Variants in BICC1 observed in about 807,000 individuals in gnomAD.
BICC1 encodes the protein protein bicaudal C homolog 1.
A neutral mutation model predicts 111.0 loss-of-function variants in BICC1; 43 were observed. The observed-to-expected ratio is 0.39, with a 90% CI of 0.30 to 0.50. BICC1 has a LOEUF of 0.50. BICC1 is among the 20% of genes least tolerant of loss of function. The pLI, the probability that BICC1 is intolerant of heterozygous loss-of-function variation, is 0.88. For synonymous variants in BICC1, 467 were observed against 434.4 expected (o/e 1.07, Z -0.93); for missense variants, 1,091 against 1,203.2 (o/e 0.91, Z 1.38).
intron 1 of BICC1, among the ~76,000 whole-genome samples, chr10:58,533,606 A>G (rs938579145): frequency 4.0e-5 from 6 of 151,888 alleles, no homozygotes; most frequent in African/African-American, 1.2e-4. Flanking sequence ...TTAAAAGTGA[A>G]GAATAAATAA....
intron 2 of BICC1, among the ~76,000 whole-genome samples, chr10:58,653,754 A>G (rs1483137708): frequency 6.6e-6 from 1 of 150,916 alleles, no homozygotes; most frequent in African/African-American, 2.4e-5. Flanking sequence ...ATATGTATAC[A>G]TGTGCCATGC....
chr10:58,713,144 T>C (rs1840631477), intron 3 of BICC1, among the ~76,000 whole-genome samples: 1 of 152,182 alleles, frequency 6.6e-6, no homozygotes, highest in Admixed American at 6.5e-5. Context: ...ATGCCTAAAT[T>C]AAACAGTAAA....
rs1589139457 is a variant in BICC1 at position 58,789,413 on chromosome 10, C to A, written c.752C>A (p.Thr251Asn). The A allele has an allele frequency of 6.2e-7, 1 of 1,614,058 alleles. No homozygotes were observed. Among genetic ancestry groups the A allele is most frequent in the Admixed American group, 1.7e-5 (1 of 60,020 alleles). The change falls in exon 7 of 21, where the codon ACT becomes AAT. Residue 251 changes from threonine to asparagine, a missense_variant. Thr to Asn is a moderately conservative substitution (Grantham distance 65). This residue lies in a region of BICC1 where 843 missense variants were observed against 900.8 expected (regional missense o/e 0.94). Transcript: ENST00000373886. ...FKQRSRMYGA[T>N]VIVRGSQNNT... is the part of the protein sequence containing the mutation. Reference sequence around the variant, plus strand: ...CAGCGTTCCCGAATGTATGGTGCTACTGTCATAGTACGAGGGTCTCAGAAT... The same window carrying A: ...CAGCGTTCCCGAATGTATGGTGCTAATGTCATAGTACGAGGGTCTCAGAAT...
At chr10:58,682,608 C>G (rs1166232161) in intron 2 of BICC1, among the ~76,000 whole-genome samples, 2 of 152,126 alleles carry the variant, frequency 1.3e-5, no homozygotes, top group Non-Finnish European at 2.9e-5. Flanking sequence ...TTGCATTTCT[C>G]TGATGGCCAG....
intron 1 of BICC1, among the ~76,000 whole-genome samples, chr10:58,513,862 G>C (rs778583208): frequency 4.4e-4 from 67 of 152,194 alleles, no homozygotes; most frequent in Non-Finnish European, 8.7e-4. Flanking sequence ...CCCCACCCCT[G>C]TGGTCAAGGA....
chr10:58,711,389 A>T (rs1485076848), intron 3 of BICC1, among the ~76,000 whole-genome samples: 1 of 152,202 alleles, frequency 6.6e-6, no homozygotes, highest in African/African-American at 2.4e-5. Context: ...TTATAAAACG[A>T]CTACTTTTAG....
At chr10:58,519,163 C>T (rs73292393) in intron 1 of BICC1, among the ~76,000 whole-genome samples, 2,658 of 152,224 alleles carry the variant, frequency 0.017, 73 homozygotes, top group African/African-American at 0.061. Context: ...CATCTTCAGC[C>T]TGTGGCTTTT....
At chr10:58,651,408 G>C (rs1838444654) in intron 2 of BICC1, among the ~76,000 whole-genome samples, 1 of 152,196 alleles carries the variant, frequency 6.6e-6, no homozygotes, top group South Asian at 2.1e-4. Context: ...CAGCATCTGT[G>C]CTTCCATCCT....
chr10:58,727,431 A>G (rs1841141124), intron 3 of BICC1, among the ~76,000 whole-genome samples: 1 of 152,054 alleles, frequency 6.6e-6, no homozygotes, highest in South Asian at 2.1e-4. Flanking sequence ...TACTAAAAAT[A>G]TAGAAATTAG....
At position 58,798,441 on chromosome 10, in the gene BICC1, C is replaced by T. The variant is rs1275097426; in HGVS notation, c.1409C>T (p.Thr470Ile). Residue 470 changes from threonine (T) to isoleucine (I), a missense_variant, in exon 11 of 21, where the codon ACC (threonine) becomes ATC (isoleucine). This residue lies in a region of BICC1 where 843 missense variants were observed against 900.8 expected (regional missense o/e 0.94). Transcript: ENST00000373886. ...PTTLSLNTSTTPNSLLNALNS... is the reference protein window; with the variant it reads ...PTTLSLNTSTIPNSLLNALNS... ...ACCTTATCTCTGAACACTTCAACAA[C>T]CCCAAACTCACTCTTGAATGCTCTT... 1 of 1,612,564 alleles carries T rather than the reference C, an allele frequency of 6.2e-7. No homozygotes were observed. The highest frequency in any genetic ancestry group is 8.5e-7 in the Non-Finnish European group (1 of 1,179,346).
chr10:58,582,863 C>T (rs927495207), intron 1 of BICC1, among the ~76,000 whole-genome samples: 1 of 152,180 alleles, frequency 6.6e-6, no homozygotes, highest in Non-Finnish European at 1.5e-5. Flanking sequence ...ATTGAGCCTA[C>T]TCAGAGAACG....
At chr10:58,537,120 C>A (rs1258184317) in intron 1 of BICC1, among the ~76,000 whole-genome samples, 1 of 151,636 alleles carries the variant, frequency 6.6e-6, no homozygotes, top group African/African-American at 2.4e-5. Flanking sequence ...TGGATTCAAG[C>A]CGAATTCTAC....
intron 5 of BICC1, among the ~76,000 whole-genome samples, chr10:58,788,122 T>A (rs558985379): frequency 9.2e-5 from 14 of 152,248 alleles, no homozygotes; most frequent in Middle Eastern, 3.4e-3. Context: ...GCTGTGGGGC[T>A]TTCAGTAAGT....
rs1378624372 is a variant in BICC1, at chr10:58,789,910, T to C, written c.1024T>C (p.Cys342Arg). 1.9e-6 allele frequency: 3 copies of C among 1,614,064 alleles called. No individual in the cohort carries two copies. The African/African-American group carries it at 4.0e-5, about 22-fold the overall frequency. Reference protein sequence around the residue: ...VYLQGTIESVCLARQYLMGCL... With the variant: ...VYLQGTIESVRLARQYLMGCL... ...CCTCCAGGGCACCATTGAGTCTGTC[T>C]GTCTTGCAAGGCAATATCTCATGGT... Residue 342 changes from cysteine to arginine, a missense_variant, in exon 8 of 21, where the codon TGT (cysteine) becomes CGT (arginine). Cys to Arg is a radical substitution (Grantham distance 180, BLOSUM62 -3). Around this residue, in one of 3 missense-constraint regions of BICC1, gnomAD observed 843 missense variants for 900.8 expected, o/e 0.94. Coordinates refer to ENST00000373886, the MANE Select transcript of BICC1 (RefSeq NM_001080512.3).
At chr10:58,620,726 C>G (rs1427015171) in intron 1 of BICC1, 129 bp from the exon 2 acceptor site, 2 of 729,062 alleles carry the variant, frequency 2.7e-6, no homozygotes, top group Non-Finnish European at 4.6e-6. Context: ...GGCATATTAG[C>G]AGGCACTGAG....
chr10:58,766,936 TAGGG>T (rs1345956113), intron 3 of BICC1, among the ~76,000 whole-genome samples: 1 of 150,614 alleles, frequency 6.6e-6, no homozygotes, highest in African/African-American at 2.4e-5. Context: ...TGGCTGAAAG[TAGGG>T]AAAGGTGGGG....
intron 1 of BICC1, among the ~76,000 whole-genome samples, chr10:58,520,516 G>C (rs909787084): frequency 3.3e-5 from 5 of 152,090 alleles, no homozygotes; most frequent in African/African-American, 1.2e-4. Context: ...TTTGTAACAA[G>C]TATTAAATCT....
chr10:58,635,865 G>C (rs1837938601), intron 2 of BICC1, among the ~76,000 whole-genome samples: 1 of 152,080 alleles, frequency 6.6e-6, no homozygotes, highest in African/African-American at 2.4e-5. Flanking sequence ...CTCTCCATTA[G>C]TTATATATTT....
intron 2 of BICC1, among the ~76,000 whole-genome samples, chr10:58,646,783 C>G (rs1402116576): frequency 7.1e-5 from 3 of 42,344 alleles, no homozygotes; most frequent in Admixed American, 3.8e-4. Flanking sequence ...TCTTTCTTGC[C>G]TGTTCCTGAT....
Sources: gnomAD v4.1 joint callset for allele counts (sites outside exome capture counted in the v4.1 genomes callset) on GRCh38, gnomAD v4.1.1 for gene constraint, gnomAD v4.1.1 regional missense constraint, MANE v1.5 for transcripts, NCBI Gene and HGNC (gene_info 2026-07-23, HGNC 2026-07-21) for gene names.